The following AKAP7 variants were observed in gnomAD, a reference collection of about 807,000 sequenced individuals.
AKAP7 encodes the protein A kinase (PRKA) anchor protein 7.
In AKAP7, 39 loss-of-function variants were observed where a neutral mutation model predicts 39.5. The observed-to-expected ratio is 0.99, with a 90% CI of 0.76 to 1.29. The LOEUF (loss-of-function observed/expected upper bound fraction) is 1.29. Among genes scored for constraint, AKAP7 ranks in the 50% most tolerant of loss-of-function variants. The pLI is 0.00. For synonymous variants in AKAP7, 140 were observed against 139.1 expected (o/e 1.01, Z -0.05); for missense variants, 414 against 407.7 (o/e 1.02, Z -0.13).
At chr6:131,156,659 AC>A (rs1802443199) in intron 2 of AKAP7, among the ~76,000 whole-genome samples, 1 of 152,078 alleles carries the variant, frequency 6.6e-6, no homozygotes. Flanking sequence ...CAAAAAAATA[AC>A]AAAAAAAGAA....
chr6:131,164,332 T>G (rs1803266679), intron 3 of AKAP7: 1 of 454,312 alleles, frequency 2.2e-6, no homozygotes, highest in African/African-American at 2.0e-5. Flanking sequence ...CATTTAGAAG[T>G]TGACTAGAAT....
intron 6 of AKAP7, among the ~76,000 whole-genome samples, chr6:131,208,366 A>T (rs1298953456): frequency 6.6e-6 from 1 of 152,266 alleles, no homozygotes. Context: ...AAAATTGAGA[A>T]ACAGTAAACA....
intron 2 of AKAP7, among the ~76,000 whole-genome samples, chr6:131,156,377 C>CCTGTA (rs1327951925): frequency 6.6e-6 from 1 of 152,096 alleles, no homozygotes; most frequent in Non-Finnish European, 1.5e-5. Flanking sequence ...GTAGCTCATG[C>CCTGTA]CTGTAATGCC....
At chr6:131,255,414 A>C (rs1266959069) in intron 7 of AKAP7, among the ~76,000 whole-genome samples, 1 of 152,220 alleles carries the variant, frequency 6.6e-6, no homozygotes, top group Non-Finnish European at 1.5e-5. Context: ...TGAACGTACC[A>C]GAGAAACATT....
Position 131,224,730 on chromosome 6 carries a change from CTTTTTTTTTTTTTT to C in AKAP7, c.850+4938_850+4951del, listed in dbSNP as rs779047229. 7.3e-5 allele frequency among the ~76,000 whole-genome samples: 4 copies of C among 55,088 alleles called. No homozygotes were observed. The Admixed American group carries it at 8.4e-4, about 12-fold the overall frequency. 36.1% of individuals were successfully genotyped at this position (55,088 alleles called of 152,430 possible). ...GTTTGTAAAGTTTCCAGTTGATTCA[CTTTTTTTTTTTTTT>C]TTTTTTTTTTTTTTTGAGACAGAGT... is the stretch of plus-strand genomic sequence containing the variant. On this transcript the variant is annotated intron_variant, in intron 7 of 7. Transcript: ENST00000431975.
chr6:131,272,684 C>A (rs532629776), intron 7 of AKAP7, among the ~76,000 whole-genome samples: 8 of 152,082 alleles, frequency 5.3e-5, no homozygotes, highest in Non-Finnish European at 1.0e-4. Context: ...TTACTGATTT[C>A]TTATTTGAAT....
In AKAP7 at chr6:131,219,811, G is replaced by C. The variant is rs1230975589; in HGVS notation, c.850+3G>C. 2.0e-6 allele frequency: 3 copies of C among 1,493,508 alleles called. No individual in the cohort carries two copies. Among genetic ancestry groups the C allele is most frequent in the Non-Finnish European group, 2.7e-6 (3 of 1,126,178 alleles). 92.5% of individuals were successfully genotyped at this position (1,493,508 alleles called of 1,614,324 possible). A position where few individuals can be genotyped will look rare whatever the true frequency, so the allele number is the denominator to read the frequency against. The stretch of plus-strand genomic sequence containing the variant: ...CTGTGAATCTTCCATTGTGATTGGT[G>C]AGTGTCATTTAAAAATTATTTATTA... On this transcript the variant is annotated splice_donor_region_variant and intron_variant, in intron 7 of 7. Coordinates refer to ENST00000431975, the MANE Select transcript of AKAP7 (RefSeq NM_016377.4).
At chr6:131,230,748 T>G (rs186131448) in intron 7 of AKAP7, among the ~76,000 whole-genome samples, 17 of 152,248 alleles carry the variant, frequency 1.1e-4, no homozygotes, top group African/African-American at 3.1e-4. Flanking sequence ...GGAGAAAAGA[T>G]CCATTAAAAA....
intron 6 of AKAP7, among the ~76,000 whole-genome samples, chr6:131,208,962 C>T (rs927197200): frequency 6.6e-6 from 1 of 152,204 alleles, no homozygotes; most frequent in Non-Finnish European, 1.5e-5. Flanking sequence ...CACATGGTTC[C>T]TTCTGAGTGT....
intron 5 of AKAP7, among the ~76,000 whole-genome samples, chr6:131,174,694 AAT>A (rs1382285257): frequency 6.6e-6 from 1 of 152,244 alleles, no homozygotes; most frequent in Non-Finnish European, 1.5e-5. Flanking sequence ...TGTTTGTTCA[AAT>A]GATATATTCT....
intron 2 of AKAP7, among the ~76,000 whole-genome samples, chr6:131,152,411 A>G (rs1482491182): frequency 6.6e-6 from 1 of 152,270 alleles, no homozygotes; most frequent in East Asian, 1.9e-4. Flanking sequence ...TAGAACCTAC[A>G]TTATAATTTC....
intron 7 of AKAP7, among the ~76,000 whole-genome samples, chr6:131,227,870 C>T (rs1243842616): frequency 1.3e-5 from 2 of 152,132 alleles, no homozygotes; most frequent in South Asian, 2.1e-4. Flanking sequence ...TTAAGACACT[C>T]GGACAGCCTA....
intron 2 of AKAP7, among the ~76,000 whole-genome samples, chr6:131,155,910 C>G (rs148656533): frequency 1.4e-4 from 21 of 152,326 alleles, no homozygotes; most frequent in African/African-American, 4.8e-4. Context: ...TTCCAGAACT[C>G]TCATACATTG....
chr6:131,218,995 G>T (rs1278025894), intron 6 of AKAP7, among the ~76,000 whole-genome samples: 1 of 151,884 alleles, frequency 6.6e-6, no homozygotes, highest in African/African-American at 2.4e-5. Flanking sequence ...TTCGCTGGGC[G>T]CAGTGGCCCA....
intron 7 of AKAP7, among the ~76,000 whole-genome samples, chr6:131,231,975 A>G (rs769580913): frequency 6.6e-6 from 1 of 152,238 alleles, no homozygotes; most frequent in South Asian, 2.1e-4. Context: ...TACATCTGCC[A>G]AAGTTAGACG....
chr6:131,170,504 G>C (rs1202008846), intron 5 of AKAP7, among the ~76,000 whole-genome samples: 1 of 152,140 alleles, frequency 6.6e-6, no homozygotes, highest in East Asian at 1.9e-4. Context: ...CCTGAAGTCA[G>C]TGTTTACTTC....
Position 131,199,451 on chromosome 6 carries a change from T to A in AKAP7, c.590-10T>A. 1 of 1,543,436 alleles carries A rather than the reference T, an allele frequency of 6.5e-7. No homozygotes were observed. The highest frequency in any genetic ancestry group is 8.9e-7 in the Non-Finnish European group (1 of 1,125,154). ...AGTAGCATTTCTTTGTTTCTCTTTA[T>A]TTTCTTCAGAGACTGCAAATAGGAC... On this transcript the variant is annotated splice_polypyrimidine_tract_variant and intron_variant, in intron 5 of 7. Coordinates refer to ENST00000431975, the MANE Select transcript of AKAP7 (RefSeq NM_016377.4).
At chr6:131,215,633 C>G (rs1050538199) in intron 6 of AKAP7, among the ~76,000 whole-genome samples, 35 of 152,332 alleles carry the variant, frequency 2.3e-4, no homozygotes, top group African/African-American at 7.9e-4. Context: ...TCATGAAGAA[C>G]TTTAAGATTT....
chr6:131,274,876 TCC>T (rs1416324694), intron 7 of AKAP7, among the ~76,000 whole-genome samples: 1 of 152,108 alleles, frequency 6.6e-6, no homozygotes, highest in South Asian at 2.1e-4. Flanking sequence ...CTCTCCATCA[TCC>T]CTGTCGCCAT....
Sources: gnomAD v4.1 joint callset for allele counts (sites outside exome capture counted in the v4.1 genomes callset) on GRCh38, gnomAD v4.1.1 for gene constraint, MANE v1.5 for transcripts, NCBI Gene and HGNC (gene_info 2026-07-23, HGNC 2026-07-21) for gene names.